PJA2: variants seen among roughly 807,000 people sequenced by gnomAD.
PJA2 encodes the protein praja ring finger ubiquitin ligase 2.
PJA2 carries 25 observed loss-of-function variants against 69.3 expected under a neutral mutation model. That is an observed-to-expected ratio of 0.36 (90% confidence interval 0.26 to 0.50). The LOEUF is 0.50. Among genes scored for constraint, PJA2 ranks in the 20% least tolerant of loss-of-function variants. The pLI, the probability that PJA2 is intolerant of heterozygous loss-of-function variation, is 0.96. For missense variants in PJA2, 809 were observed against 830.2 expected, an observed-to-expected ratio of 0.97 and a Z score of 0.31; for synonymous variants, 308 against 277.8, an observed-to-expected ratio of 1.11 and a Z score of -1.08.
At chr5:109,359,702 A>G (rs1762478993) in intron 6 of PJA2, among the ~76,000 whole-genome samples, 1 of 152,230 alleles carries the variant, frequency 6.6e-6, no homozygotes, top group Non-Finnish European at 1.5e-5. Context: ...GACTAAAGAA[A>G]CTTGTTAACT....
At chr5:109,340,649 CCTCCCCCTCCCCCTCCCCCTCCCT>C (rs1762031554) in intron 9 of PJA2, among the ~76,000 whole-genome samples, 1 of 3,104 alleles carries the variant, frequency 3.2e-4, no homozygotes, top group East Asian at 8.6e-3. Context: ...TCCCCCTCCC[CCTCCCCCTCCCCCTCCCCCTCCCT>C]CTCCCCACGG....
rs765022973 is a variant in PJA2 at position 109,368,625 on chromosome 5, G to A, written c.1405C>T (p.Pro469Ser). 12 of 1,613,906 alleles carry A rather than the reference G, an allele frequency of 7.4e-6. 1 individual carries two copies. The East Asian group carries it at 2.7e-4, about 36-fold the overall frequency. Residue 469 changes from proline (P) to serine (S), a missense_variant, in exon 5 of 10, where the codon CCT becomes TCT. Physicochemically the swap from Pro to Ser is moderately conservative, Grantham distance 74. Coordinates refer to ENST00000361189, the MANE Select transcript of PJA2 (RefSeq NM_014819.5). ...ETLPGKDENE[P>S]ELQSDSSGPE... ...CCACTGCTATCACTTTGTAGCTCAG[G>A]TTCATTCTCATCTTTTCCTGGCAGA... is the stretch of plus-strand genomic sequence containing the variant.
chr5:109,370,570 C>G (rs555237316), intron 4 of PJA2, among the ~76,000 whole-genome samples: 2 of 152,164 alleles, frequency 1.3e-5, no homozygotes, highest in African/African-American at 4.8e-5. Flanking sequence ...GGTGTTCTTT[C>G]AGCTGGGTCT....
At chr5:109,356,463 G>C (rs1762414453) in intron 6 of PJA2, among the ~76,000 whole-genome samples, 1 of 152,074 alleles carries the variant, frequency 6.6e-6, no homozygotes, top group East Asian at 1.9e-4. Context: ...TTTCAAATTT[G>C]GGATGCTCAA....
Position 109,354,136 on chromosome 5 carries a change from G to T in PJA2, c.1764+1779C>A, listed in dbSNP as rs879328685. Among the ~76,000 whole-genome samples, 6 of 86,730 alleles carry T rather than the reference G, an allele frequency of 6.9e-5. 1 individual carries two copies. Among genetic ancestry groups the T allele is most frequent in the South Asian group, 8.4e-4 (2 of 2,394 alleles). The allele number at this position is 86,730 out of a possible 152,430, so 56.9% of individuals were successfully genotyped here. On this transcript the variant is annotated intron_variant, in intron 7 of 9. Transcript: ENST00000361189. ...TTAGATATCTATGGTATCTAGAGCT[G>T]TCTATAGATTAGATATCTATGATAT...
At chr5:109,373,429 T>C (rs1392682684) in intron 4 of PJA2, among the ~76,000 whole-genome samples, 1 of 151,860 alleles carries the variant, frequency 6.6e-6, no homozygotes, top group Admixed American at 6.6e-5. Context: ...TCCCCTAATA[T>C]GGAGAAGAGG....
At chr5:109,398,105 C>A (rs1171788275) in intron 1 of PJA2, among the ~76,000 whole-genome samples, 1 of 152,128 alleles carries the variant, frequency 6.6e-6, no homozygotes, top group Non-Finnish European at 1.5e-5. Context: ...CAATGAGATA[C>A]CATCTCCACA....
At chr5:109,376,369 A>C (rs1746888262) in intron 4 of PJA2, among the ~76,000 whole-genome samples, 1 of 151,992 alleles carries the variant, frequency 6.6e-6, no homozygotes, top group African/African-American at 2.4e-5. Flanking sequence ...ATAACTATGA[A>C]AAGTCCAGGG....
chr5:109,376,366 T>G (rs1034868441), intron 4 of PJA2, among the ~76,000 whole-genome samples: 1 of 151,044 alleles, frequency 6.6e-6, no homozygotes, highest in East Asian at 1.9e-4. Context: ...CTTATAACTA[T>G]GAAAAGTCCA....
chr5:109,364,608 G>C (rs1762556523), intron 5 of PJA2, among the ~76,000 whole-genome samples: 1 of 137,896 alleles, frequency 7.3e-6, no homozygotes, highest in South Asian at 2.2e-4. Context: ...GGGCGACAGA[G>C]CGAGACTCTG....
chr5:109,357,885 C>A (rs924104229), intron 6 of PJA2, among the ~76,000 whole-genome samples: 2 of 152,220 alleles, frequency 1.3e-5, no homozygotes, highest in African/African-American at 2.4e-5. Flanking sequence ...CCCAATGATT[C>A]TTTTCTTCTC....
intron 1 of PJA2, among the ~76,000 whole-genome samples, chr5:109,387,742 T>C (rs922363099): frequency 3.3e-5 from 5 of 152,174 alleles, no homozygotes; most frequent in African/African-American, 9.7e-5. Flanking sequence ...GGACAGACAA[T>C]AGGAATCATC....
chr5:109,349,800 C>T (rs141981501), intron 7 of PJA2, among the ~76,000 whole-genome samples: 2,726 of 152,190 alleles, frequency 0.018, 38 homozygotes, highest in Admixed American at 0.028. Context: ...ATCTTTATTT[C>T]CTCCTAGCCA....
At chr5:109,407,802 AG>A (rs1263161711) in intron 1 of PJA2, among the ~76,000 whole-genome samples, 2 of 152,158 alleles carry the variant, frequency 1.3e-5, no homozygotes, top group Non-Finnish European at 1.5e-5. Context: ...ATACGTATGA[AG>A]AAAAAAAAGA....
intron 5 of PJA2, among the ~76,000 whole-genome samples, chr5:109,363,432 C>A (rs1248046799): frequency 1.3e-5 from 2 of 152,190 alleles, no homozygotes; most frequent in Admixed American, 1.3e-4. Context: ...TTCTGCTCAG[C>A]CCACTTCTCC....
chr5:109,403,009 A>C (rs1472729099), intron 1 of PJA2, among the ~76,000 whole-genome samples: 5 of 152,052 alleles, frequency 3.3e-5, no homozygotes, highest in Non-Finnish European at 7.4e-5. Flanking sequence ...TTAAACCCAA[A>C]GCATATAGAA....
chr5:109,405,555 T>C (rs1005790702), intron 1 of PJA2, among the ~76,000 whole-genome samples: 11 of 152,208 alleles, frequency 7.2e-5, no homozygotes, highest in Admixed American at 5.2e-4. Context: ...GGCAAAATTA[T>C]AGGCATAAAG....
chr5:109,337,911 G>C (rs552352713), intron 9 of PJA2, among the ~76,000 whole-genome samples: 1 of 152,188 alleles, frequency 6.6e-6, no homozygotes, highest in Non-Finnish European at 1.5e-5. Flanking sequence ...ATGGACTTCA[G>C]ACTTTCTTTC....
chr5:109,404,579 A>G (rs1220049507), intron 1 of PJA2, among the ~76,000 whole-genome samples: 1 of 152,186 alleles, frequency 6.6e-6, no homozygotes, highest in Non-Finnish European at 1.5e-5. Context: ...GGGAAGTCCA[A>G]AATCAAGGTG....
Sources: allele counts gnomAD v4.1 joint callset (sites outside exome capture counted in the v4.1 genomes callset), GRCh38; gene constraint gnomAD v4.1.1; transcripts MANE v1.5; gene names NCBI Gene and HGNC (gene_info 2026-07-23, HGNC 2026-07-21).